Variants in HCLS1 observed in about 807,000 individuals in gnomAD.
The protein encoded by HCLS1 is hematopoietic cell-specific Lyn substrate 1, also known as hematopoietic lineage cell-specific protein.
In HCLS1, 44 loss-of-function variants were observed where a neutral mutation model predicts 68.6. The observed-to-expected ratio is 0.64, with a 90% confidence interval of 0.50 to 0.82. The LOEUF (loss-of-function observed/expected upper bound fraction) is 0.82, where lower values mean the gene tolerates loss of function less well. Ranked by LOEUF, HCLS1 falls within the 40% of genes least tolerant of loss-of-function variation. The pLI is 0.00. For missense variants in HCLS1, 602 were observed against 612.1 expected (o/e 0.98, Z 0.17); for synonymous variants, 217 against 225.8 (o/e 0.96, Z 0.35).
At position 121,632,119 on chromosome 3, in the gene HCLS1, C is replaced by A. The variant is rs9869984; in HGVS notation, c.1306G>T (p.Val436Leu). 51 of 1,613,958 alleles carry A rather than the reference C, an allele frequency of 3.2e-5. No homozygotes were observed. The highest frequency in any genetic ancestry group is 4.2e-5 in the Non-Finnish European group (50 of 1,180,024). The change falls in exon 13 of 14, where the codon GTA becomes TTA. Residue 436 changes from valine (V) to leucine (L), a missense_variant. Coordinates refer to ENST00000314583, the MANE Select transcript of HCLS1 (RefSeq NM_005335.6). Reference sequence around the variant, plus strand: ...AACCTACCTCCTTGGTAATCATATACAGCCACAGCTGAGATCCCCAGAGCC... The same window carrying A: ...AACCTACCTCCTTGGTAATCATATAAAGCCACAGCTGAGATCCCCAGAGCC... Reference protein sequence around the residue: ...AVALGISAVAVYDYQGEGSDE... With the variant: ...AVALGISAVALYDYQGEGSDE...
chr3:121,643,943 C>T (rs1461145872), intron 5 of HCLS1: 2 of 152,424 alleles, frequency 1.3e-5, no homozygotes, highest in African/African-American at 4.8e-5. Context: ...CTTAGCTTTG[C>T]AGTATGTTTT....
chr3:121,648,394 A>C (rs1043981577), intron 3 of HCLS1, among the ~76,000 whole-genome samples: 15 of 152,128 alleles, frequency 9.9e-5, no homozygotes, highest in Admixed American at 4.6e-4. Flanking sequence ...ATCTTGGCCA[A>C]CCTCTTTGGC....
intron 3 of HCLS1, among the ~76,000 whole-genome samples, chr3:121,652,759 T>G (rs796664408): frequency 6.6e-6 from 1 of 152,230 alleles, no homozygotes; most frequent in South Asian, 2.1e-4. Flanking sequence ...ATGAAGTGAT[T>G]GTAGTATTAT....
rs552005252 is a variant in HCLS1, at chr3:121,650,816, T to A, written c.159-3368A>T. Among the ~76,000 whole-genome samples, 5 of 152,278 alleles carry A rather than the reference T, an allele frequency of 3.3e-5. No homozygotes were observed. In the South Asian group the frequency reaches 1.0e-3, roughly 32 times the overall value. ...ATTAGACATCATCAGGATTAAGATC[T>A]TTTGCTCTTAAAAAGATGCCATTAA... On this transcript the variant is annotated intron_variant, in intron 3 of 13. Transcript: ENST00000314583.
At chr3:121,635,117 C>T (rs1208970597) in intron 9 of HCLS1, among the ~76,000 whole-genome samples, 1 of 152,120 alleles carries the variant, frequency 6.6e-6, no homozygotes, top group Non-Finnish European at 1.5e-5. Flanking sequence ...CCACCCCTGT[C>T]CCAAGCCACA....
intron 3 of HCLS1, among the ~76,000 whole-genome samples, chr3:121,648,436 G>A (rs1002196961): frequency 4.6e-5 from 7 of 152,274 alleles, no homozygotes; most frequent in Middle Eastern, 3.4e-3. Context: ...TCAGCCCCAC[G>A]TGACAATCAG....
intron 6 of HCLS1, among the ~76,000 whole-genome samples, chr3:121,637,547 G>GAA (rs63029362): frequency 1.3e-5 from 2 of 150,696 alleles, no homozygotes; most frequent in African/African-American, 4.9e-5. Context: ...GGAGATTGCA[G>GAA]AAAAAAAAAG....
intron 4 of HCLS1, 104 bp from the exon 5 acceptor site, chr3:121,645,032 G>A (rs1263217099): frequency 2.3e-6 from 2 of 868,456 alleles, no homozygotes; most frequent in Non-Finnish European, 3.7e-6. Flanking sequence ...TTCCATTCTG[G>A]GTCAGATCTA....
Position 121,631,867 on chromosome 3 carries a change from A to G in HCLS1, c.1440T>C (p.Asn480=). ...CHGHFGLFPA[N]YVKLLE ...CTAGTCACTCCAGAAGCTTGACATA[A>G]TTTGCAGGGAAGAGTCCAAAGTGGC... The change falls in exon 14 of 14, where the codon AAT becomes AAC. Residue 480 remains asparagine (N), a synonymous_variant. Transcript: ENST00000314583. 1.2e-6 allele frequency: 2 copies of G among 1,614,096 alleles called. No homozygotes were observed. The highest frequency in any genetic ancestry group is 1.7e-5 in the Admixed American group (1 of 60,008).
At chr3:121,637,382 A>C in intron 6 of HCLS1, 126 bp from the exon 7 acceptor site, 2 of 640,470 alleles carry the variant, frequency 3.1e-6, no homozygotes, top group Non-Finnish European at 2.8e-6. Flanking sequence ...GCAGGGCTTG[A>C]ATACAGGGGA....
chr3:121,657,416 C>A, intron 2 of HCLS1, 64 bp from the exon 3 acceptor site: 1 of 1,428,876 alleles, frequency 7.0e-7, no homozygotes, highest in Non-Finnish European at 9.9e-7. Context: ...GAAGGGCCAC[C>A]CAACTGACAC....
chr3:121,644,988 A>G, intron 4 of HCLS1, 60 bp from the exon 5 acceptor site: 1 of 1,275,290 alleles, frequency 7.8e-7, no homozygotes, highest in Non-Finnish European at 1.1e-6. Context: ...AAAAATAAAT[A>G]CAGATATGGA....
At chr3:121,650,142 C>G (rs147187746) in intron 3 of HCLS1, among the ~76,000 whole-genome samples, 174 of 152,130 alleles carry the variant, frequency 1.1e-3, no homozygotes, top group Middle Eastern at 6.8e-3. Flanking sequence ...GACCTAAACA[C>G]TAAAAAATAT....
At position 121,651,649 on chromosome 3, in the gene HCLS1, G is replaced by A. The variant is rs1221110873; in HGVS notation, c.159-4201C>T. ...TTGTCCAGATGGTCTTGAACTCCTGGGCTCAAGTCATCCTCCTGCCTTGGC... is the reference window on the plus strand; with the variant it reads ...TTGTCCAGATGGTCTTGAACTCCTGAGCTCAAGTCATCCTCCTGCCTTGGC... On this transcript the variant is annotated intron_variant, in intron 3 of 13. Coordinates refer to ENST00000314583, the MANE Select transcript of HCLS1 (RefSeq NM_005335.6). Among the ~76,000 whole-genome samples the A allele has an allele frequency of 3.3e-5, 5 of 152,172 alleles. No homozygotes were observed. The East Asian group carries it at 7.7e-4, about 23-fold the overall frequency.
chr3:121,634,227 G>T lies in HCLS1; in HGVS notation c.883C>A (p.Pro295Thr), dbSNP rs1283736036. Reference protein sequence around the residue: ...MEEPAVPAPLPKKISSEAWPP... With the variant: ...MEEPAVPAPLTKKISSEAWPP... ...CTCACCTCTGAGGAGATTTTCTTGG[G>T]CAGTGGGGCCGGTACTGCTGGCTCT... The change falls in exon 10 of 14, where the codon CCC becomes ACC. Residue 295 changes from proline (P) to threonine (T), a missense_variant. Pro to Thr is a conservative substitution (Grantham distance 38). Coordinates refer to ENST00000314583, the MANE Select transcript of HCLS1 (RefSeq NM_005335.6). 2.5e-6 allele frequency: 4 copies of T among 1,614,176 alleles called. No homozygotes were observed. The highest frequency in any genetic ancestry group is 3.4e-6 in the Non-Finnish European group (4 of 1,180,046).
intron 6 of HCLS1, among the ~76,000 whole-genome samples, chr3:121,637,547 G>GA (rs63029362): frequency 0.1 from 15,281 of 150,730 alleles, 833 homozygotes; most frequent in South Asian, 0.16. Flanking sequence ...GGAGATTGCA[G>GA]AAAAAAAAAG....
rs759403341 is a variant in HCLS1 at position 121,637,262 on chromosome 3, G to A, written c.455-6C>T. On this transcript the variant is annotated splice_region_variant and splice_polypyrimidine_tract_variant and intron_variant, in intron 6 of 13. Transcript: ENST00000314583. ...ACCAAAGCCACGAGAGTAATCTGTG[G>A]TCGAAGGAGCAGTCATGAGAGCCCA... is the stretch of plus-strand genomic sequence containing the variant. The A allele has an allele frequency of 2.5e-6, 4 of 1,605,842 alleles. No individual in the cohort carries two copies. Among genetic ancestry groups the A allele is most frequent in the Non-Finnish European group, 3.4e-6 (4 of 1,172,632 alleles).
At chr3:121,651,184 A>T (rs1210077962) in intron 3 of HCLS1, among the ~76,000 whole-genome samples, 1 of 152,202 alleles carries the variant, frequency 6.6e-6, no homozygotes, top group Non-Finnish European at 1.5e-5. Context: ...ATGTTCTGGG[A>T]GAATACACTT....
rs1490498602 is a variant in HCLS1 at position 121,642,961 on chromosome 3, A to G, written c.420T>C (p.Tyr140=). The G allele has an allele frequency of 1.2e-6, 2 of 1,613,248 alleles. No individual in the cohort carries two copies. The highest frequency in any genetic ancestry group is 2.7e-5 in the African/African-American group (2 of 74,906). ...RADKSAVGFD[Y]KGEVEKHTSQ... ...ATGTGTGCTTCTCCACTTCTCCTTT[A>G]TAATCAAAGCCGACTGCTGACTACA... The change falls in exon 6 of 14, where the codon TAT becomes TAC. Residue 140 remains tyrosine, a synonymous_variant. Transcript: ENST00000314583.
Sources: allele counts gnomAD v4.1 joint callset (sites outside exome capture counted in the v4.1 genomes callset), GRCh38; gene constraint gnomAD v4.1.1; transcripts MANE v1.5; gene names NCBI Gene and HGNC (gene_info 2026-07-23, HGNC 2026-07-21).